LAMA3: variants seen among roughly 807,000 people sequenced by gnomAD.
LAMA3 encodes the protein laminin subunit alpha 3.
A neutral mutation model predicts 402.0 loss-of-function variants in LAMA3; 281 were observed. That is an observed-to-expected ratio of 0.70 (90% CI 0.63 to 0.77). The LOEUF (loss-of-function observed/expected upper bound fraction) is 0.77. LAMA3 is among the 30% of genes least tolerant of loss of function. The pLI, the probability that LAMA3 is intolerant of heterozygous loss-of-function variation, is 0.00. For synonymous variants in LAMA3, 1,431 were observed against 1,558.4 expected (o/e 0.92, Z 1.93); for missense variants, 3,840 against 4,215.5 (o/e 0.91, Z 2.47).
chr18:23,842,787 G>A (rs757645952), intron 29 of LAMA3, 37 bp downstream of exon 29: 53 of 1,613,420 alleles, frequency 3.3e-5, no homozygotes, highest in Non-Finnish European at 4.3e-5. Context: ...CTCCTCACAT[G>A]CCTGCCTGGC....
rs772021834 is a variant in LAMA3 at position 23,838,902 on chromosome 18, C to G, written c.3191+24C>G. Reference sequence around the variant, plus strand: ...AGGTAATGTGTTTCCTTCCTGTCTCCCCGTTCATGTTCTGAGTGATACTGG... The same window carrying G: ...AGGTAATGTGTTTCCTTCCTGTCTCGCCGTTCATGTTCTGAGTGATACTGG... On this transcript the variant is annotated intron_variant, in intron 26 of 74. Transcript: ENST00000313654. 1.2e-5 allele frequency: 17 copies of G among 1,370,938 alleles called. No homozygotes were observed. The African/African-American group carries it at 1.4e-4, about 12-fold the overall frequency. The allele number at this position is 1,370,938 out of a possible 1,614,324, so 84.9% of individuals were successfully genotyped here.
chr18:23,895,645 G>A (rs1238395770), intron 44 of LAMA3, among the ~76,000 whole-genome samples: 1 of 152,096 alleles, frequency 6.6e-6, no homozygotes, highest in African/African-American at 2.4e-5. Flanking sequence ...CTATAAAGAT[G>A]CCTTCTTATT....
intron 15 of LAMA3, 28 bp from the exon 16 acceptor site, chr18:23,815,160 G>A (rs1336158584): frequency 6.2e-7 from 1 of 1,609,452 alleles, no homozygotes. Flanking sequence ...GTCTCCCTTA[G>A]TTCAAGGATG....
At chr18:23,777,252 T>TAAA (rs35550543) in intron 10 of LAMA3, among the ~76,000 whole-genome samples, 11 of 147,984 alleles carry the variant, frequency 7.4e-5, no homozygotes, top group Non-Finnish European at 6.0e-5. Flanking sequence ...GATTTTATGT[T>TAAA]AAAAAAAAAA....
chr18:23,830,048 A>G (rs1014589224), intron 23 of LAMA3, among the ~76,000 whole-genome samples: 11 of 152,198 alleles, frequency 7.2e-5, no homozygotes, highest in Admixed American at 5.9e-4. Flanking sequence ...TAAACTGCTG[A>G]CCAAAATAAT....
intron 34 of LAMA3, among the ~76,000 whole-genome samples, chr18:23,859,925 G>T (rs1445014678): frequency 6.6e-6 from 1 of 152,178 alleles, no homozygotes; most frequent in Non-Finnish European, 1.5e-5. Flanking sequence ...AAGCTACCCA[G>T]AGGACTCAGC....
At chr18:23,816,856 A>G (rs1374747983) in intron 18 of LAMA3, among the ~76,000 whole-genome samples, 1 of 151,966 alleles carries the variant, frequency 6.6e-6, no homozygotes, top group Non-Finnish European at 1.5e-5. Context: ...GAGAGAGGGA[A>G]TAAGAGGGGG....
chr18:23,793,719 A>T (rs1170211197), intron 12 of LAMA3, among the ~76,000 whole-genome samples: 1 of 152,182 alleles, frequency 6.6e-6, no homozygotes, highest in Non-Finnish European at 1.5e-5. Flanking sequence ...GTCTCTTCCC[A>T]TCACCAAGCA....
chr18:23,837,570 G>GATAGATATATAT (rs368371253), intron 25 of LAMA3, among the ~76,000 whole-genome samples: 1 of 83,284 alleles, frequency 1.2e-5, no homozygotes, highest in African/African-American at 4.5e-5. Flanking sequence ...CAGTTAATCA[G>GATAGATATATAT]ATATATATAT....
intron 24 of LAMA3, among the ~76,000 whole-genome samples, chr18:23,835,292 G>A (rs1227799300): frequency 1.3e-5 from 2 of 152,228 alleles, no homozygotes; most frequent in African/African-American, 2.4e-5. Context: ...ACAAAGTGGA[G>A]ATGGCTAAGG....
chr18:23,775,795 G>A lies in LAMA3; in HGVS notation c.1277G>A (p.Cys426Tyr). The stretch of plus-strand genomic sequence containing the variant: ...TGAAAACTGGGATTTCTCTTAGCCT[G>A]CAGCTGTGACCCTGAGCATGCGGAT... Reference protein sequence around the residue: ...PVDAPDGCIPCSCDPEHADGC... With the variant: ...PVDAPDGCIPYSCDPEHADGC... Residue 426 changes from cysteine (C) to tyrosine (Y), a missense_variant, in exon 10 of 75, where the codon TGC becomes TAC. By Grantham distance (194) the Cys-to-Tyr change is radical (BLOSUM62 -2). Coordinates refer to ENST00000313654, the MANE Select transcript of LAMA3 (RefSeq NM_198129.4). 6.2e-7 allele frequency: 1 copy of A among 1,613,988 alleles called. No individual in the cohort carries two copies. Among genetic ancestry groups the A allele is most frequent in the South Asian group, 1.1e-5 (1 of 91,068 alleles).
chr18:23,837,493 A>C (rs959684974), intron 25 of LAMA3, among the ~76,000 whole-genome samples: 7 of 149,674 alleles, frequency 4.7e-5, no homozygotes, highest in African/African-American at 1.7e-4. Context: ...AATTTTATCA[A>C]AATTTTAAAG....
chr18:23,936,994 C>G (rs2082329828), intron 67 of LAMA3, among the ~76,000 whole-genome samples: 1 of 152,098 alleles, frequency 6.6e-6, no homozygotes, highest in African/African-American at 2.4e-5. Context: ...CTGGTAGCAG[C>G]CTGTGGGATG....
Position 23,871,549 on chromosome 18 carries a change from T to C in LAMA3, c.4886T>C (p.Leu1629Pro). 6.2e-7 allele frequency: 1 copy of C among 1,614,192 alleles called. No homozygotes were observed. The highest frequency in any genetic ancestry group is 8.5e-7 in the Non-Finnish European group (1 of 1,180,036). Residue 1629 changes from leucine to proline, a missense_variant, in exon 38 of 75, where the codon CTC (leucine) becomes CCC (proline). Leu to Pro is a moderately conservative substitution (Grantham distance 98). Transcript: ENST00000313654. Reference sequence around the variant, plus strand: ...CTCTACTTCACAGAGACTCAAAGGCTCACCCTGAGCGAGGTGGGGCTAGAG... The same window carrying C: ...CTCTACTTCACAGAGACTCAAAGGCCCACCCTGAGCGAGGTGGGGCTAGAG... ...QGLYFTETQR[L>P]TLSEVGLEEA...
In LAMA3 at chr18:23,869,144, GA is replaced by G. The variant is rs892858448; in HGVS notation, c.4767+1234del. On this transcript the variant is annotated intron_variant, in intron 37 of 74. Transcript: ENST00000313654. ...AGCAATGAGAGAACTGGCAAACAGG[GA>G]AAAAAAGTTCAGAATCAACGTTTTC... Among the ~76,000 whole-genome samples the G allele has an allele frequency of 1.2e-3, 187 of 152,204 alleles. 1 individual carries two copies. Among genetic ancestry groups the G allele is most frequent in the Non-Finnish European group, 2.0e-3 (137 of 68,000 alleles).
intron 8 of LAMA3, among the ~76,000 whole-genome samples, chr18:23,766,840 G>GA (rs1568162449): frequency 6.6e-6 from 1 of 150,672 alleles, no homozygotes; most frequent in Non-Finnish European, 1.5e-5. Flanking sequence ...CTGTCTCAAA[G>GA]AAAAAAAAAA....
chr18:23,866,481 A>G (rs1372118862), intron 36 of LAMA3, among the ~76,000 whole-genome samples: 9 of 152,236 alleles, frequency 5.9e-5, no homozygotes, highest in Admixed American at 5.2e-4. Flanking sequence ...AAAAACTCCA[A>G]GGAACCTTTG....
rs1568109215 is a variant in LAMA3 at position 23,717,719 on chromosome 18, A to ATTTTTTTT, written c.447+3647_447+3648insTTTTTTTT. On this transcript the variant is annotated intron_variant, in intron 2 of 74. Transcript: ENST00000313654. The stretch of plus-strand genomic sequence containing the variant: ...AGGTGCCCACCACCATGCCTGGCTA[A>ATTTTTTTT]ATTTTTTTTTTTTTTTTTTTTTTTT... Among the ~76,000 whole-genome samples, 10 of 116,806 alleles carry ATTTTTTTT rather than the reference A, an allele frequency of 8.6e-5. 5 individuals are homozygous for ATTTTTTTT. Among genetic ancestry groups the ATTTTTTTT allele is most frequent in the African/African-American group, 2.3e-4 (6 of 25,646 alleles). The allele number at this position is 116,806 out of a possible 152,430, so 76.6% of individuals were successfully genotyped here. A position where few individuals can be genotyped will look rare whatever the true frequency, so the allele number is the denominator to read the frequency against.
In LAMA3 at chr18:23,749,482, C is replaced by G. The variant is rs2061707259; in HGVS notation, c.620C>G (p.Thr207Ser). The G allele has an allele frequency of 6.2e-7, 1 of 1,613,224 alleles. No homozygotes were observed. The highest frequency in any genetic ancestry group is 8.5e-7 in the Non-Finnish European group (1 of 1,179,254). ...EFGREANMAV[T>S]RDDDVLCVTE... is the part of the protein sequence containing the mutation. Reference sequence around the variant, plus strand: ...GGGCGGGAGGCAAATATGGCTGTCACCCGGGATGATGATGTACTTTGTGTT... The same window carrying G: ...GGGCGGGAGGCAAATATGGCTGTCAGCCGGGATGATGATGTACTTTGTGTT... The change falls in exon 4 of 75, where the codon ACC (threonine) becomes AGC (serine). Residue 207 changes from threonine to serine, a missense_variant. Physicochemically the swap from Thr to Ser is moderately conservative, Grantham distance 58. Coordinates refer to ENST00000313654, the MANE Select transcript of LAMA3 (RefSeq NM_198129.4).
Sources: gnomAD v4.1 joint callset for allele counts (sites outside exome capture counted in the v4.1 genomes callset) on GRCh38, gnomAD v4.1.1 for gene constraint, MANE v1.5 for transcripts, NCBI Gene and HGNC (gene_info 2026-07-23, HGNC 2026-07-21) for gene names.